The following ALPK2 variants were observed in gnomAD, a reference collection of about 807,000 sequenced individuals.
The protein encoded by ALPK2 is alpha-protein kinase 2.
Under a neutral mutation model 163.1 loss-of-function variants are expected in ALPK2, and 127 were observed. The ratio of observed to expected loss-of-function variants is 0.78; its 90% CI spans 0.67 to 0.90. ALPK2 has a LOEUF of 0.90. Among genes scored for constraint, ALPK2 ranks in the 40% least tolerant of loss-of-function variants. The pLI, the probability that ALPK2 is intolerant of heterozygous loss-of-function variation, is 0.00. For missense variants in ALPK2, 2,360 were observed against 2,589.6 expected, an observed-to-expected ratio of 0.91 and a Z score of 1.92; for synonymous variants, 953 against 959.1, an observed-to-expected ratio of 0.99 and a Z score of 0.12.
At chr18:58,524,145 T>G in intron 6 of ALPK2, 83 bp from the exon 7 acceptor site, 1 of 1,518,994 alleles carries the variant, frequency 6.6e-7, no homozygotes, top group Non-Finnish European at 8.9e-7. Flanking sequence ...AGAAAGAAGC[T>G]AAGACTTCCC....
rs1184474684 is a variant in ALPK2 at position 58,535,377 on chromosome 18, CAGG to C, written c.4807_4809del (p.Pro1603del). 2 of 1,614,064 alleles carry C rather than the reference CAGG, an allele frequency of 1.2e-6. No individual in the cohort carries two copies. The highest frequency in any genetic ancestry group is 1.3e-5 in the African/African-American group (1 of 74,926). The stretch of plus-strand genomic sequence containing the variant: ...GAAGTACAAGGGAACCTGGTAAGAT[CAGG>C]AGAAGAGGGCAAAGGTTTCCCACGC... On this transcript the variant is annotated inframe_deletion, in exon 5 of 13. Transcript: ENST00000361673.
intron 10 of ALPK2, among the ~76,000 whole-genome samples, chr18:58,512,716 T>C (rs2144121513): frequency 7.7e-6 from 1 of 129,798 alleles, no homozygotes; most frequent in South Asian, 3.0e-4. Context: ...TGTGTATGTG[T>C]GTATTGTCTG....
At chr18:58,499,311 G>A (rs527403129) in intron 11 of ALPK2, among the ~76,000 whole-genome samples, 4 of 152,280 alleles carry the variant, frequency 2.6e-5, no homozygotes, top group Admixed American at 1.3e-4. Flanking sequence ...AGGGTAGCTA[G>A]GGAGCCAGGG....
intron 12 of ALPK2, among the ~76,000 whole-genome samples, chr18:58,494,274 C>A (rs1490790502): frequency 6.6e-6 from 1 of 152,162 alleles, no homozygotes; most frequent in Non-Finnish European, 1.5e-5. Flanking sequence ...TTGTACTCAA[C>A]ATTTGCCAAA....
At chr18:58,611,276 T>C (rs1310510441) in intron 2 of ALPK2, among the ~76,000 whole-genome samples, 1 of 37,882 alleles carries the variant, frequency 2.6e-5, no homozygotes, top group Non-Finnish European at 4.1e-5. Flanking sequence ...AGACTCCATC[T>C]CAAAAAAAAA....
chr18:58,545,879 C>G (rs2051715104), intron 4 of ALPK2, among the ~76,000 whole-genome samples: 2 of 152,154 alleles, frequency 1.3e-5, no homozygotes, highest in Non-Finnish European at 2.9e-5. Flanking sequence ...GTAGCCTCCC[C>G]CACGGATAAC....
rs10578866 is a variant in ALPK2 at position 58,533,449 on chromosome 18, A to AT, written c.5353+1384dup. Among the ~76,000 whole-genome samples the AT allele has an allele frequency of 1.6e-3, 223 of 141,602 alleles. 3 individuals carry two copies. Among genetic ancestry groups the AT allele is most frequent in the South Asian group, 0.014 (62 of 4,302 alleles). The allele number at this position is 141,602 out of a possible 152,430, so 92.9% of individuals were successfully genotyped here. On this transcript the variant is annotated intron_variant, in intron 5 of 12. Coordinates refer to ENST00000361673, the MANE Select transcript of ALPK2 (RefSeq NM_052947.4). ...TTGAAACATTGCTTCATTCTATTTAATTTTTTTTTTTTTTTTTGAGACAGG... is the reference window on the plus strand; with the variant it reads ...TTGAAACATTGCTTCATTCTATTTAATTTTTTTTTTTTTTTTTTGAGACAGG...
chr18:58,548,494 T>G (rs2051732094), intron 4 of ALPK2, among the ~76,000 whole-genome samples: 1 of 152,138 alleles, frequency 6.6e-6, no homozygotes, highest in South Asian at 2.1e-4. Flanking sequence ...CTAATTTTTG[T>G]ATTTTTAGTA....
Position 58,619,704 on chromosome 18 carries a change from G to A in ALPK2, c.-20-7887C>T, listed in dbSNP as rs147347913. On this transcript the variant is annotated intron_variant, in intron 1 of 12. Transcript: ENST00000361673. Reference sequence around the variant, plus strand: ...GTTTATGTAAAATTGAGTACTGGCAGCAAGCTGCACTTTTTGTTTTTTTCT... The same window carrying A: ...GTTTATGTAAAATTGAGTACTGGCAACAAGCTGCACTTTTTGTTTTTTTCT... Among the ~76,000 whole-genome samples, 611 of 152,248 alleles carry A rather than the reference G, an allele frequency of 4.0e-3. 3 individuals carry two copies. Among genetic ancestry groups the A allele is most frequent in the African/African-American group, 0.014 (567 of 41,490 alleles).
Position 58,580,187 on chromosome 18 carries a change from T to G in ALPK2, c.589A>C (p.Arg197=), listed in dbSNP as rs2144199543. The G allele has an allele frequency of 6.2e-7, 1 of 1,614,244 alleles. No individual in the cohort carries two copies. Residue 197 remains arginine, a synonymous_variant, in exon 4 of 13, where the codon AGG becomes CGG. Coordinates refer to ENST00000361673, the MANE Select transcript of ALPK2 (RefSeq NM_052947.4). ...GGATCATAAGCCTCTCCAGTGTGCC[T>G]TGTTCCTTTAACACCCAAAGGATTT... ...SENPLGVKGT[R]HTGEAYDPSN... is the part of the protein sequence containing the mutation.
At position 58,516,944 on chromosome 18, in the gene ALPK2, A is replaced by T. The variant is rs1454955998; in HGVS notation, c.5904T>A (p.Asp1968Glu). 4.3e-6 allele frequency: 7 copies of T among 1,614,034 alleles called. No homozygotes were observed. Among genetic ancestry groups the T allele is most frequent in the African/African-American group, 1.3e-5 (1 of 74,922 alleles). ...GTTTGTAGTTCCTTTGGATGAGCTC[A>T]TCATTATTTCTGGTCCCATAGGCAA... Reference protein sequence around the residue: ...NAIAYGTRNNDELIQRNYKLA... With the variant: ...NAIAYGTRNNEELIQRNYKLA... The change falls in exon 9 of 13, where the codon GAT (aspartate) becomes GAA (glutamate). Residue 1968 changes from aspartate to glutamate, a missense_variant. Coordinates refer to ENST00000361673, the MANE Select transcript of ALPK2 (RefSeq NM_052947.4).
At chr18:58,501,221 A>G (rs1489749178) in intron 11 of ALPK2, among the ~76,000 whole-genome samples, 2 of 152,254 alleles carry the variant, frequency 1.3e-5, no homozygotes. Flanking sequence ...ACTGTTGTTT[A>G]CTAGTACCTG....
In ALPK2 at chr18:58,534,821, A is replaced by G. The variant is rs747843248; in HGVS notation, c.5353+13T>C. ...CCAAACTTTAACAATGATGGACAGC[A>G]ACAGAACCTCACCTCTTCCTTCTCT... On this transcript the variant is annotated intron_variant, in intron 5 of 12. Transcript: ENST00000361673. 1 of 1,594,794 alleles carries G rather than the reference A, an allele frequency of 6.3e-7. No homozygotes were observed. The highest frequency in any genetic ancestry group is 1.2e-5 in the South Asian group (1 of 86,934).
rs771196152 is a variant in ALPK2, at chr18:58,536,238, C to A, written c.3949G>T (p.Glu1317Ter). 6.2e-7 allele frequency: 1 copy of A among 1,614,084 alleles called. No homozygotes were observed. Among genetic ancestry groups the A allele is most frequent in the Admixed American group, 1.7e-5 (1 of 60,006 alleles). The change falls in exon 5 of 13, where the codon GAA becomes TAA. Residue 1317 changes from glutamate (E) to a stop codon, truncating the protein, a stop_gained. Coordinates refer to ENST00000361673, the MANE Select transcript of ALPK2 (RefSeq NM_052947.4). LOFTEE classifies it high-confidence loss of function. The part of the protein sequence containing the change: ...LADSRESHKG[E>*]EPTISVHWRS... ...CAATGTACACTGATGGTGGGCTCTT[C>A]GCCTTTATGGCTTTCTCTGCTATCA...
intron 4 of ALPK2, among the ~76,000 whole-genome samples, chr18:58,574,041 T>A (rs1336063789): frequency 2.0e-5 from 3 of 152,152 alleles, no homozygotes; most frequent in South Asian, 2.1e-4. Flanking sequence ...GCTAGGTGAA[T>A]ATGATAGTAT....
chr18:58,497,420 G>T (rs1002273525), intron 12 of ALPK2, among the ~76,000 whole-genome samples: 4 of 152,154 alleles, frequency 2.6e-5, no homozygotes, highest in African/African-American at 9.7e-5. Context: ...AAAGAAGTGG[G>T]AAGGGGCAGC....
intron 4 of ALPK2, among the ~76,000 whole-genome samples, chr18:58,572,588 G>A (rs555244898): frequency 1.3e-5 from 2 of 152,226 alleles, no homozygotes; most frequent in African/African-American, 2.4e-5. Flanking sequence ...ATGAATCTCC[G>A]GGAATTCTGC....
At chr18:58,484,865 C>T (rs2051330857) in intron 12 of ALPK2, among the ~76,000 whole-genome samples, 1 of 152,142 alleles carries the variant, frequency 6.6e-6, no homozygotes, top group Non-Finnish European at 1.5e-5. Flanking sequence ...TGATGTTGAT[C>T]GTGTTGTTAT....
At chr18:58,621,190 T>TA (rs548443252) in intron 1 of ALPK2, among the ~76,000 whole-genome samples, 119 of 148,202 alleles carry the variant, frequency 8.0e-4, no homozygotes, top group African/African-American at 2.8e-3. Flanking sequence ...GATAATGGAA[T>TA]AAAAAAAATG....
Sources: gnomAD v4.1 joint callset for allele counts (sites outside exome capture counted in the v4.1 genomes callset) on GRCh38, gnomAD v4.1.1 for gene constraint, MANE v1.5 for transcripts, NCBI Gene and HGNC (gene_info 2026-07-23, HGNC 2026-07-21) for gene names.